The following ARL17B variants were observed in gnomAD, a reference collection of about 807,000 sequenced individuals.
The protein encoded by ARL17B is ADP-ribosylation factor-like protein 17.
chr17:46,291,969 C>CAAAAAAAAA (rs59554870), intron 4 of ARL17B, among the ~76,000 whole-genome samples: 27 of 58,080 alleles, frequency 4.6e-4, no homozygotes, highest in Non-Finnish European at 6.0e-4. Flanking sequence ...TCTCAAAAAG[C>CAAAAAAAAA]AAAAAAAAAA....
chr17:46,315,309 G>A lies in ARL17B; in HGVS notation c.260-15644C>T, dbSNP rs1343146186. On this transcript the variant is annotated intron_variant, in intron 3 of 4. Transcript: ENST00000434041. ...GGAGGCTGCGGTGGGAGGATTGCTT[G>A]ACCCCAGGAGTTCAAGGCCAGCCAG... 4.6e-5 allele frequency among the ~76,000 whole-genome samples: 4 copies of A among 87,480 alleles called. 2 individuals carry two copies. In the East Asian group the frequency reaches 9.6e-4, roughly 21 times the overall value. The allele number at this position is 87,480 out of a possible 152,430, so 57.4% of individuals were successfully genotyped here.
intron 4 of ARL17B, among the ~76,000 whole-genome samples, chr17:46,284,984 C>T (rs2049866137): frequency 6.6e-6 from 1 of 152,206 alleles, no homozygotes; most frequent in Admixed American, 6.5e-5. Flanking sequence ...TCACCTCAGC[C>T]TCCCAAGTAG....
At chr17:46,278,131 G>A (rs1408650113) in intron 4 of ARL17B, among the ~76,000 whole-genome samples, 3 of 152,104 alleles carry the variant, frequency 2.0e-5, no homozygotes, top group Non-Finnish European at 4.4e-5. Context: ...ATTATTAGTG[G>A]AGATGGGGTT....
At position 46,336,098 on chromosome 17, in the gene ARL17B, A is replaced by G. The variant is rs1187064579; in HGVS notation, c.*3402T>C. On this transcript the variant is annotated 3_prime_UTR_variant, in exon 4 of 4. Transcript: ENST00000450673. ...GGAAGGGAAGGCCACCGGGTGTGAG[A>G]GAGAGGGCACTTGTCTCCTTCAAGG... Among the ~76,000 whole-genome samples the G allele has an allele frequency of 6.5e-5, 1 of 15,450 alleles. No homozygotes were observed. The highest frequency in any genetic ancestry group is 7.2e-5 in the African/African-American group (1 of 13,966). 10.1% of individuals were successfully genotyped at this position (15,450 alleles called of 152,430 possible). A position where few individuals can be genotyped will look rare whatever the true frequency, so the allele number is the denominator to read the frequency against.
At chr17:46,280,015 TC>T (rs1475347574) in intron 4 of ARL17B, among the ~76,000 whole-genome samples, 1 of 152,238 alleles carries the variant, frequency 6.6e-6, no homozygotes, top group East Asian at 1.9e-4. Flanking sequence ...TGTACAAATG[TC>T]ACCTTGAGTC....
chr17:46,292,327 C>T (rs1442843558), intron 4 of ARL17B, among the ~76,000 whole-genome samples: 1 of 71,868 alleles, frequency 1.4e-5, no homozygotes, highest in African/African-American at 3.5e-5. Flanking sequence ...GCAAGACACT[C>T]TCTCGAGGAA....
At chr17:46,330,898 G>A (rs78117635), downstream of ARL17B, 1,438 of 725,010 alleles carry the variant, frequency 2.0e-3, 456 homozygotes, top group African/African-American at 0.023. Flanking sequence ...AAAGGCTCAC[G>A]AGTCCAGCCC....
chr17:46,332,874 C>G (rs552142019), downstream of ARL17B, among the ~76,000 whole-genome samples: 2 of 150,348 alleles, frequency 1.3e-5, no homozygotes, highest in African/African-American at 5.0e-5. Context: ...TGAATTGAAA[C>G]CAAGTGAATC....
intron 3 of ARL17B, among the ~76,000 whole-genome samples, chr17:46,317,140 T>G (rs1189258128): frequency 1.4e-5 from 1 of 71,842 alleles, no homozygotes. Flanking sequence ...ACCTCCCAGA[T>G]GGGGTGGCGG....
At chr17:46,281,412 C>G (rs971313162) in intron 4 of ARL17B, among the ~76,000 whole-genome samples, 2 of 151,732 alleles carry the variant, frequency 1.3e-5, no homozygotes, top group African/African-American at 4.8e-5. Context: ...TTTTTTGAGA[C>G]AGGGTCTCAA....
At chr17:46,282,077 G>C (rs1311458660) in intron 4 of ARL17B, among the ~76,000 whole-genome samples, 1 of 151,974 alleles carries the variant, frequency 6.6e-6, no homozygotes. Context: ...TACTTTAGCT[G>C]GGCTTGTCCT....
At chr17:46,287,580 T>C (rs567971396) in intron 4 of ARL17B, among the ~76,000 whole-genome samples, 4 of 152,376 alleles carry the variant, frequency 2.6e-5, no homozygotes, top group South Asian at 2.1e-4. Context: ...GAATAAACAT[T>C]GGAATTTAAT....
At chr17:46,275,366 G>T in exon 5 of ARL17B, 1 of 997,678 alleles carries the variant, frequency 1.0e-6, no homozygotes, top group South Asian at 1.3e-5. Flanking sequence ...TTTATGTTAG[G>T]TTAACATGCT....
chr17:46,276,712 A>T (rs1339204999), intron 4 of ARL17B, among the ~76,000 whole-genome samples: 2 of 152,166 alleles, frequency 1.3e-5, no homozygotes, highest in East Asian at 3.8e-4. Context: ...AAATCTGGAA[A>T]GCAATAGAAA....
At chr17:46,309,129 G>A (rs1224204234) in intron 3 of ARL17B, among the ~76,000 whole-genome samples, 3 of 73,038 alleles carry the variant, frequency 4.1e-5, no homozygotes, top group African/African-American at 1.1e-4. Flanking sequence ...GAGCTTATTA[G>A]TGGACTTAAC....
chr17:46,284,965 G>C (rs1352334001), intron 4 of ARL17B, among the ~76,000 whole-genome samples: 3 of 152,314 alleles, frequency 2.0e-5, no homozygotes, highest in African/African-American at 7.2e-5. Flanking sequence ...CTGTGCTCAA[G>C]TGATCCTCTC....
chr17:46,284,167 G>T (rs1476687140), intron 4 of ARL17B, among the ~76,000 whole-genome samples: 2 of 152,240 alleles, frequency 1.3e-5, no homozygotes, highest in East Asian at 3.8e-4. Context: ...CCCTTTAAGG[G>T]TGTCAGGCTG....
At chr17:46,285,096 T>G (rs369284056) in intron 4 of ARL17B, among the ~76,000 whole-genome samples, 89 of 152,352 alleles carry the variant, frequency 5.8e-4, no homozygotes, top group Non-Finnish European at 2.1e-4. Flanking sequence ...CTCTAACTAA[T>G]TGACTCAAGT....
chr17:46,277,217 G>A (rs2049614952), intron 4 of ARL17B, among the ~76,000 whole-genome samples: 2 of 152,232 alleles, frequency 1.3e-5, no homozygotes, highest in African/African-American at 2.4e-5. Context: ...ATAACCAGGT[G>A]GCAAGAAGAC....
Sources: allele counts gnomAD v4.1 joint callset (sites outside exome capture counted in the v4.1 genomes callset), GRCh38; gene constraint gnomAD v4.1.1; transcripts MANE v1.5; gene names NCBI Gene and HGNC (gene_info 2026-07-23, HGNC 2026-07-21).